INPP4B: variants seen among roughly 807,000 people sequenced by gnomAD.
INPP4B encodes inositol polyphosphate-4-phosphatase type II B.
In INPP4B, 55 loss-of-function variants were observed where a neutral mutation model predicts 122.5. The observed-to-expected ratio is 0.45, with a 90% CI of 0.36 to 0.56. INPP4B has a LOEUF of 0.56. Among genes scored for constraint, INPP4B ranks in the 20% least tolerant of loss-of-function variants. The probability of loss-of-function intolerance (pLI) is 0.00; values close to 1 mark genes in which losing one functional copy is unlikely to be tolerated. For missense variants in INPP4B, 1,000 were observed against 1,097.7 expected (o/e 0.91, Z 1.26); for synonymous variants, 403 against 388.7 (o/e 1.04, Z -0.43).
intron 7 of INPP4B, among the ~76,000 whole-genome samples, chr4:142,359,395 A>G (rs1784685605): frequency 1.3e-5 from 2 of 151,984 alleles, no homozygotes; most frequent in African/African-American, 4.8e-5. Context: ...TGTCACAAAG[A>G]TTAAATAATT....
intron 25 of INPP4B, among the ~76,000 whole-genome samples, chr4:142,065,560 A>T (rs1763086972): frequency 6.6e-6 from 1 of 152,220 alleles, no homozygotes; most frequent in African/African-American, 2.4e-5. Flanking sequence ...ACATGGATGC[A>T]CCTGGAAAAT....
intron 1 of INPP4B, among the ~76,000 whole-genome samples, chr4:142,799,386 T>C (rs1377087203): frequency 6.6e-6 from 1 of 151,862 alleles, no homozygotes; most frequent in East Asian, 1.9e-4. Flanking sequence ...CTACAAATGA[T>C]CATAATCCAC....
chr4:142,774,825 C>T (rs769798619), intron 1 of INPP4B, among the ~76,000 whole-genome samples: 5 of 152,030 alleles, frequency 3.3e-5, no homozygotes, highest in African/African-American at 9.7e-5. Flanking sequence ...TAACCTCTTA[C>T]ATTAGTACAG....
intron 2 of INPP4B, among the ~76,000 whole-genome samples, chr4:142,622,313 G>T (rs1745129411): frequency 6.6e-6 from 1 of 151,074 alleles, no homozygotes; most frequent in Non-Finnish European, 1.5e-5. Flanking sequence ...TGAATCAACA[G>T]TAAAAGCTTC....
Position 142,190,762 on chromosome 4 carries a change from A to G in INPP4B, c.1181+2325T>C, listed in dbSNP as rs538269282. Among the ~76,000 whole-genome samples, 44 of 149,944 alleles carry G rather than the reference A, an allele frequency of 2.9e-4. 1 individual carries two copies. Among genetic ancestry groups the G allele is most frequent in the African/African-American group, 9.3e-4 (38 of 41,062 alleles). ...TGTGTGTGTGCGCGTGTGTGTTGAT[A>G]TGTAACATCCCAGTGAAAAGTGAAG... On this transcript the variant is annotated intron_variant, in intron 15 of 25. Transcript: ENST00000262992.
At chr4:142,697,315 C>G (rs1761164158) in intron 2 of INPP4B, among the ~76,000 whole-genome samples, 1 of 152,046 alleles carries the variant, frequency 6.6e-6, no homozygotes. Flanking sequence ...AACCTTGCTC[C>G]CAGAAAAGCT....
intron 6 of INPP4B, among the ~76,000 whole-genome samples, chr4:142,404,813 C>T (rs927702230): frequency 6.6e-6 from 1 of 151,624 alleles, no homozygotes; most frequent in Admixed American, 6.6e-5. Flanking sequence ...TCTTTTTTTT[C>T]CTCAAAATAA....
chr4:142,803,648 T>TA (rs1424036975), intron 1 of INPP4B, among the ~76,000 whole-genome samples: 1 of 108,048 alleles, frequency 9.3e-6, no homozygotes, highest in Non-Finnish European at 2.0e-5. Context: ...TCAATAAAAC[T>TA]TAAAAAAAAA....
In INPP4B at chr4:142,802,028, T is replaced by C. The variant is rs565817745; in HGVS notation, c.-254+44181A>G. 3.0e-4 allele frequency among the ~76,000 whole-genome samples: 46 copies of C among 152,238 alleles called. No individual in the cohort carries two copies. The South Asian group carries it at 7.5e-3, about 25-fold the overall frequency. Reference sequence around the variant, plus strand: ...ACTCAGTTAGGGACCAGGAAAATCATTGGTAGGACTTGGTCACATACAGAA... The same window carrying C: ...ACTCAGTTAGGGACCAGGAAAATCACTGGTAGGACTTGGTCACATACAGAA... On this transcript the variant is annotated intron_variant, in intron 1 of 25. Transcript: ENST00000262992.
At chr4:142,588,677 GAA>G (rs1736766229) in intron 2 of INPP4B, among the ~76,000 whole-genome samples, 1 of 151,312 alleles carries the variant, frequency 6.6e-6, no homozygotes, top group African/African-American at 2.4e-5. Flanking sequence ...AAAATCTGAT[GAA>G]ATAAATCCAA....
intron 7 of INPP4B, among the ~76,000 whole-genome samples, chr4:142,338,006 A>T (rs899947014): frequency 1.4e-5 from 2 of 148,030 alleles, no homozygotes; most frequent in Admixed American, 1.3e-4. Context: ...CCAATTTTGC[A>T]CTCTAGAAGT....
intron 24 of INPP4B, among the ~76,000 whole-genome samples, chr4:142,084,102 A>G (rs1775509337): frequency 6.6e-6 from 1 of 152,100 alleles, no homozygotes; most frequent in Non-Finnish European, 1.5e-5. Context: ...AAGAAGAAAA[A>G]AACAAATGAC....
chr4:142,499,949 T>TGACA (rs1043499809), intron 2 of INPP4B, among the ~76,000 whole-genome samples: 17 of 152,128 alleles, frequency 1.1e-4, no homozygotes, highest in Admixed American at 2.6e-4. Flanking sequence ...AAAACACTAA[T>TGACA]GACAGCCTGA....
chr4:142,480,930 T>C (rs1237830522), intron 2 of INPP4B, among the ~76,000 whole-genome samples: 1 of 151,544 alleles, frequency 6.6e-6, no homozygotes, highest in Non-Finnish European at 1.5e-5. Flanking sequence ...TAATAAAAGG[T>C]GAAAATCCTC....
chr4:142,052,466 T>C (rs774465196), intron 25 of INPP4B, among the ~76,000 whole-genome samples: 33 of 152,118 alleles, frequency 2.2e-4, no homozygotes, highest in Non-Finnish European at 4.1e-4. Context: ...TCAATTTTGC[T>C]GTGCTAAATA....
At chr4:142,476,307 G>A (rs192626514) in intron 2 of INPP4B, among the ~76,000 whole-genome samples, 6 of 152,090 alleles carry the variant, frequency 3.9e-5, no homozygotes, top group African/African-American at 2.4e-5. Context: ...TATTACCACC[G>A]GACCTGCCTT....
In INPP4B at chr4:142,252,880, AG is replaced by A. The variant is rs1285918692; in HGVS notation, c.688+7611del. On this transcript the variant is annotated intron_variant, in intron 11 of 25. Coordinates refer to ENST00000262992, the MANE Select transcript of INPP4B (RefSeq NM_001101669.3). ...AAATTTATAGTCGTGTAGTTTAACAAGGGGTTATGTTCTGAGAAAGTAGTCA... is the reference window on the plus strand; with the variant it reads ...AAATTTATAGTCGTGTAGTTTAACAAGGGTTATGTTCTGAGAAAGTAGTCA... Among the ~76,000 whole-genome samples the A allele has an allele frequency of 2.0e-5, 3 of 152,076 alleles. No homozygotes were observed. In the East Asian group the frequency reaches 5.8e-4, roughly 29 times the overall value.
At chr4:142,733,547 T>C (rs928757769) in intron 1 of INPP4B, among the ~76,000 whole-genome samples, 1 of 152,128 alleles carries the variant, frequency 6.6e-6, no homozygotes, top group African/African-American at 2.4e-5. Context: ...TATTAGTCTT[T>C]TGGAATGCAA....
intron 2 of INPP4B, among the ~76,000 whole-genome samples, chr4:142,567,929 A>G (rs1731987986): frequency 6.6e-6 from 1 of 152,184 alleles, no homozygotes; most frequent in African/African-American, 2.4e-5. Context: ...TACCTAAGAC[A>G]TTGCTTGGCT....
Sources: gnomAD v4.1 joint callset for allele counts (sites outside exome capture counted in the v4.1 genomes callset) on GRCh38, gnomAD v4.1.1 for gene constraint, MANE v1.5 for transcripts, NCBI Gene and HGNC (gene_info 2026-07-23, HGNC 2026-07-21) for gene names.